The following FBXO34 variants were observed in gnomAD, a reference collection of about 807,000 sequenced individuals.
FBXO34 encodes the protein F-box only protein 34.
FBXO34 carries 12 observed loss-of-function variants against 24.5 expected under a neutral mutation model. That is an observed-to-expected ratio of 0.49 (90% CI 0.31 to 0.79). The LOEUF (loss-of-function observed/expected upper bound fraction) is 0.79. Ranked by LOEUF, FBXO34 falls within the 30% of genes least tolerant of loss-of-function variation. The pLI is 0.04. For missense variants in FBXO34, 823 were observed against 857.7 expected, an observed-to-expected ratio of 0.96 and a Z score of 0.51; for synonymous variants, 320 against 311.9, an observed-to-expected ratio of 1.03 and a Z score of -0.27.
the FBXO34 span, among the ~76,000 whole-genome samples, chr14:55,425,897 C>T: frequency 1.3e-5 from 2 of 152,158 alleles, no homozygotes; most frequent in African/African-American, 2.4e-5. Context: ...CATTATCATC[C>T]TAGCATCTGC....
rs1882229764 is a variant in FBXO34 at position 55,298,704 on chromosome 14, C to T, written c.-11+27167C>T. The T allele has an allele frequency of 2.3e-5, 36 of 1,570,728 alleles. 1 individual carries two copies. The South Asian group carries it at 3.5e-4, about 15-fold the overall frequency. On this transcript the variant is annotated intron_variant, in intron 1 of 1. Transcript: ENST00000313833. ...CGGCCTGACCCTCCAGGAGGCCATC[C>T]AGCGGCTGCGGGACACGGAGGAGAT... is the stretch of plus-strand genomic sequence containing the variant.
chr14:55,298,379 C>CTT (rs112310781), intron 1 of FBXO34, among the ~76,000 whole-genome samples: 1 of 149,208 alleles, frequency 6.7e-6, no homozygotes, highest in African/African-American at 2.5e-5. Context: ...AGGATTATTT[C>CTT]TTTTTTTTTT....
At chr14:55,411,703 C>T in the FBXO34 span, 4 of 1,612,922 alleles carry the variant, frequency 2.5e-6, no homozygotes, top group East Asian at 8.9e-5. Context: ...GGCAGCGCTC[C>T]ACAGCCACGT....
the FBXO34 span, chr14:55,411,516 A>C: frequency 2.3e-6 from 3 of 1,321,940 alleles, no homozygotes; most frequent in Non-Finnish European, 3.1e-6. Flanking sequence ...TGGTGCCCGG[A>C]CGGGGAGCCC....
the FBXO34 span, among the ~76,000 whole-genome samples, chr14:55,381,500 A>G: frequency 6.6e-6 from 1 of 152,260 alleles, no homozygotes; most frequent in Non-Finnish European, 1.5e-5. Context: ...AAATGTTTTC[A>G]GTCCATCAAG....
chr14:55,318,402 A>C (rs1883011125), intron 1 of FBXO34: 1 of 3,552 alleles, frequency 2.8e-4, no homozygotes, highest in African/African-American at 9.1e-4. Context: ...ATATATATAT[A>C]TATATATATG....
the FBXO34 span, among the ~76,000 whole-genome samples, chr14:55,431,872 T>C: frequency 1.3e-5 from 2 of 152,222 alleles, no homozygotes; most frequent in Non-Finnish European, 2.9e-5. Context: ...CTAGTGGCTA[T>C]ATCATTGCAT....
chr14:55,402,929 ATATATATATATATATATATATAT>A, the FBXO34 span, among the ~76,000 whole-genome samples: 1 of 16,374 alleles, frequency 6.1e-5, no homozygotes, highest in Non-Finnish European at 1.1e-4. Context: ...AAAAAAAAAT[ATATATATATATATATATATATAT>A]ATATATATAT....
chr14:55,416,408 A>G, the FBXO34 span, among the ~76,000 whole-genome samples: 2 of 152,210 alleles, frequency 1.3e-5, no homozygotes, highest in African/African-American at 4.8e-5. Flanking sequence ...CCCGGGTAAC[A>G]TAGGGACACC....
Position 55,326,806 on chromosome 14 carries a change from T to C in FBXO34, c.-10-23575T>C, listed in dbSNP as rs375945915. On this transcript the variant is annotated intron_variant, in intron 1 of 1. Coordinates refer to ENST00000313833, the MANE Select transcript of FBXO34 (RefSeq NM_017943.4). ...CAAATGCAGGATAGAAAACTCTCAA[T>C]AATACAAACTTTAGGGATGTTTTGA... is the stretch of plus-strand genomic sequence containing the variant. 9.2e-5 allele frequency among the ~76,000 whole-genome samples: 14 copies of C among 152,308 alleles called. 1 individual carries two copies. Among genetic ancestry groups the C allele is most frequent in the African/African-American group, 3.4e-4 (14 of 41,574 alleles).
At chr14:55,273,402 C>T (rs1881225170) in intron 1 of FBXO34, among the ~76,000 whole-genome samples, 1 of 152,132 alleles carries the variant, frequency 6.6e-6, no homozygotes, top group South Asian at 2.1e-4. Context: ...CTCACCACAA[C>T]CTTGGGAATT....
chr14:55,393,177 T>C, the FBXO34 span, among the ~76,000 whole-genome samples: 1,787 of 152,054 alleles, frequency 0.012, 16 homozygotes, highest in Non-Finnish European at 0.018. Flanking sequence ...GTCAGGAGAT[T>C]GAGACCATCC....
intron 1 of FBXO34, among the ~76,000 whole-genome samples, chr14:55,309,274 T>C (rs972297715): frequency 6.6e-6 from 1 of 152,108 alleles, no homozygotes; most frequent in South Asian, 2.1e-4. Context: ...AAAAAAACTT[T>C]TTGGACACTG....
chr14:55,397,272 G>A, the FBXO34 span: 7 of 1,026,874 alleles, frequency 6.8e-6, no homozygotes, highest in Non-Finnish European at 1.1e-5. Flanking sequence ...CCTAAATTCA[G>A]TAAGTTAGCA....
At chr14:55,272,681 TA>T (rs1194324818) in intron 1 of FBXO34, among the ~76,000 whole-genome samples, 1 of 152,074 alleles carries the variant, frequency 6.6e-6, no homozygotes, top group Admixed American at 6.5e-5. Flanking sequence ...TCTTAAATAA[TA>T]ATTACCTGAG....
the FBXO34 span, chr14:55,436,042 G>A: frequency 2.9e-5 from 18 of 620,940 alleles, no homozygotes; most frequent in Admixed American, 2.6e-4. Flanking sequence ...AATTTCCTAG[G>A]GGGAGAATTA....
chr14:55,377,827 G>A, the FBXO34 span: 2 of 1,579,616 alleles, frequency 1.3e-6, no homozygotes, highest in South Asian at 1.2e-5. Context: ...ACCTGCCTAG[G>A]TGTTCAGAGC....
chr14:55,391,065 C>G, the FBXO34 span: 22 of 986,268 alleles, frequency 2.2e-5, no homozygotes, highest in Non-Finnish European at 3.3e-5. Flanking sequence ...CCTGGGATCA[C>G]TGCTTATTTT....
At chr14:55,307,574 T>G (rs1882595304) in intron 1 of FBXO34, among the ~76,000 whole-genome samples, 1 of 152,248 alleles carries the variant, frequency 6.6e-6, no homozygotes, top group Non-Finnish European at 1.5e-5. Flanking sequence ...TTGTAATTTC[T>G]TTATAAACAA....
Sources: allele counts gnomAD v4.1 joint callset (sites outside exome capture counted in the v4.1 genomes callset), GRCh38; gene constraint gnomAD v4.1.1; transcripts MANE v1.5; gene names NCBI Gene and HGNC (gene_info 2026-07-23, HGNC 2026-07-21).